Variants in STK39 observed in about 807,000 individuals in gnomAD.
STK39 encodes STE20/SPS1-related proline-alanine-rich protein kinase.
STK39 carries 20 observed loss-of-function variants against 77.8 expected under a neutral mutation model. That is an observed-to-expected ratio of 0.26 (90% CI 0.18 to 0.37). STK39 has a LOEUF of 0.37. Ranked by LOEUF, STK39 falls within the 10% of genes least tolerant of loss-of-function variation. The probability of loss-of-function intolerance (pLI) is 1.00; values close to 1 mark genes in which losing one functional copy is unlikely to be tolerated. For synonymous variants in STK39, 246 were observed against 234.1 expected, an observed-to-expected ratio of 1.05 and a Z score of -0.47; for missense variants, 479 against 656.5, an observed-to-expected ratio of 0.73 and a Z score of 2.95.
intron 16 of STK39, among the ~76,000 whole-genome samples, chr2:167,985,951 G>C (rs1683546373): frequency 6.6e-6 from 1 of 152,080 alleles, no homozygotes; most frequent in African/African-American, 2.4e-5. Context: ...CGGTATTTTG[G>C]GAAGAAAGGA....
chr2:168,188,167 A>G (rs1247351399), intron 1 of STK39, among the ~76,000 whole-genome samples: 2 of 152,174 alleles, frequency 1.3e-5, no homozygotes, highest in African/African-American at 2.4e-5. Flanking sequence ...GCCTTTCCCC[A>G]GCTTACTCTT....
intron 1 of STK39, among the ~76,000 whole-genome samples, chr2:168,237,336 G>A (rs903022536): frequency 5.9e-5 from 9 of 152,340 alleles, no homozygotes; most frequent in African/African-American, 1.9e-4. Context: ...AGCTTAAGGA[G>A]ATTTTGGGCT....
intron 10 of STK39, among the ~76,000 whole-genome samples, chr2:168,097,324 G>A (rs752943357): frequency 6.6e-6 from 1 of 152,144 alleles, no homozygotes; most frequent in Non-Finnish European, 1.5e-5. Context: ...TTTCATGGAG[G>A]AGCCCACCTC....
chr2:168,162,351 G>T (rs1351493138), intron 4 of STK39, among the ~76,000 whole-genome samples: 1 of 151,372 alleles, frequency 6.6e-6, no homozygotes, highest in African/African-American at 2.4e-5. Context: ...GTTTACTCGT[G>T]GGGGAGAGTT....
intron 3 of STK39, among the ~76,000 whole-genome samples, chr2:168,164,608 C>T (rs3769385): frequency 0.66 from 100,552 of 151,932 alleles, 33,602 homozygotes; most frequent in East Asian, 0.84. Flanking sequence ...GGTCTTACCA[C>T]GTTGCCCATG....
chr2:168,145,530 G>T lies in STK39; in HGVS notation c.629-4772C>A, dbSNP rs145426693. On this transcript the variant is annotated intron_variant, in intron 5 of 17. Coordinates refer to ENST00000355999, the MANE Select transcript of STK39 (RefSeq NM_013233.3). ...AGTTTTCCCAAAAAAGCCAAACATT[G>T]GAATCTTTATGAAAAAGCTCCCTTT... Among the ~76,000 whole-genome samples, 209 of 152,052 alleles carry T rather than the reference G, an allele frequency of 1.4e-3. 1 individual carries two copies. The highest frequency in any genetic ancestry group is 4.2e-3 in the African/African-American group (176 of 41,488).
chr2:167,955,559 A>G lies in STK39; in HGVS notation c.1575T>C (p.Cys525=). ...KTLTFKLASG[C]DGSEIPDEVK... is the part of the protein sequence containing the mutation. ...CTTCATCAGGAATCTCCGACCCATCACAGCCAGAAGCCTGAAAAGGGAAAA... is the reference window on the plus strand; with the variant it reads ...CTTCATCAGGAATCTCCGACCCATCGCAGCCAGAAGCCTGAAAAGGGAAAA... Residue 525 remains cysteine, a synonymous_variant, in exon 18 of 18, where the codon TGT becomes TGC. Transcript: ENST00000355999. 6.2e-7 allele frequency: 1 copy of G among 1,613,722 alleles called. No homozygotes were observed. Among genetic ancestry groups the G allele is most frequent in the Non-Finnish European group, 8.5e-7 (1 of 1,179,822 alleles).
chr2:168,056,375 C>T (rs147284259), intron 14 of STK39, among the ~76,000 whole-genome samples: 259 of 152,160 alleles, frequency 1.7e-3, no homozygotes, highest in Non-Finnish European at 2.5e-3. Context: ...AAGGAAGCCA[C>T]GTTCCCAGCA....
chr2:168,200,021 C>T (rs976470123), intron 1 of STK39, among the ~76,000 whole-genome samples: 1 of 152,156 alleles, frequency 6.6e-6, no homozygotes, highest in Non-Finnish European at 1.5e-5. Context: ...AAGATAGTAT[C>T]TGACCTGAAT....
intron 10 of STK39, among the ~76,000 whole-genome samples, chr2:168,091,150 GCACACACACACACACACA>G (rs71927823): frequency 1.4e-5 from 2 of 147,542 alleles, no homozygotes; most frequent in Non-Finnish European, 3.0e-5. Flanking sequence ...ACAAACAGGT[GCACACACACACACACACA>G]CACACACACA....
chr2:168,206,232 A>C (rs1689738833), intron 1 of STK39, among the ~76,000 whole-genome samples: 1 of 152,182 alleles, frequency 6.6e-6, no homozygotes, highest in South Asian at 2.1e-4. Flanking sequence ...TTCTAGCACA[A>C]GCACAGAAAA....
At chr2:168,098,524 C>T (rs1173350016) in intron 10 of STK39, among the ~76,000 whole-genome samples, 1 of 152,112 alleles carries the variant, frequency 6.6e-6, no homozygotes, top group African/African-American at 2.4e-5. Flanking sequence ...CAAGTGCAGC[C>T]CAATAAGCAT....
At chr2:168,068,607 C>G (rs66682533) in intron 12 of STK39, among the ~76,000 whole-genome samples, 76,001 of 152,008 alleles carry the variant, frequency 0.5, 20,117 homozygotes, top group Non-Finnish European at 0.56. Context: ...CTGCACTGTC[C>G]CTGCAACGTT....
intron 1 of STK39, among the ~76,000 whole-genome samples, chr2:168,209,450 G>T (rs577498874): frequency 6.6e-6 from 1 of 152,202 alleles, no homozygotes; most frequent in East Asian, 1.9e-4. Flanking sequence ...GCGGAGGTGG[G>T]CAGATCCCCT....
At chr2:168,013,565 T>C (rs1684324716) in intron 15 of STK39, among the ~76,000 whole-genome samples, 1 of 152,180 alleles carries the variant, frequency 6.6e-6, no homozygotes, top group African/African-American at 2.4e-5. Flanking sequence ...CACAAATATT[T>C]AGAATTGTAG....
intron 17 of STK39, among the ~76,000 whole-genome samples, chr2:167,963,829 A>T (rs1275930600): frequency 6.6e-6 from 1 of 152,222 alleles, no homozygotes; most frequent in African/African-American, 2.4e-5. Context: ...TTAATTTCAC[A>T]AATATAAAAA....
chr2:168,037,318 A>T (rs921671429), intron 14 of STK39, among the ~76,000 whole-genome samples: 1 of 152,224 alleles, frequency 6.6e-6, no homozygotes, highest in African/African-American at 2.4e-5. Context: ...GCAATAATTC[A>T]GTCTATTAGA....
intron 1 of STK39, among the ~76,000 whole-genome samples, chr2:168,202,750 TC>T (rs1689641488): frequency 6.6e-6 from 1 of 150,868 alleles, no homozygotes; most frequent in Non-Finnish European, 1.5e-5. Flanking sequence ...CTGGGAAACA[TC>T]TAGAGAGATT....
At chr2:167,985,337 G>C (rs1483309121) in intron 16 of STK39, among the ~76,000 whole-genome samples, 2 of 152,148 alleles carry the variant, frequency 1.3e-5, no homozygotes, top group Non-Finnish European at 2.9e-5. Flanking sequence ...GAACTGATTT[G>C]TTGTTTGTGC....
Sources: gnomAD v4.1 joint callset for allele counts (sites outside exome capture counted in the v4.1 genomes callset) on GRCh38, gnomAD v4.1.1 for gene constraint, MANE v1.5 for transcripts, NCBI Gene and HGNC (gene_info 2026-07-23, HGNC 2026-07-21) for gene names.